Variants in GABRG3 observed in about 807,000 individuals in gnomAD.
The protein encoded by GABRG3 is gamma-aminobutyric acid type A receptor subunit gamma3.
A neutral mutation model predicts 48.8 loss-of-function variants in GABRG3; 25 were observed. The observed-to-expected ratio is 0.51, with a 90% CI of 0.37 to 0.72. The LOEUF is 0.72. Among genes scored for constraint, GABRG3 ranks in the 30% least tolerant of loss-of-function variants. GABRG3 has a pLI of 0.00. For missense variants in GABRG3, 394 were observed against 577.9 expected (o/e 0.68, Z 3.26); for synonymous variants, 227 against 217.6 (o/e 1.04, Z -0.38).
chr15:27,511,926 G>T lies in GABRG3; in HGVS notation c.713-8046G>T, dbSNP rs139114399. ...AACGCTGGAGATTTGTGGGAGGAACGTTCTAGCAACTAGAAATGCAAGAGC... is the reference window on the plus strand; with the variant it reads ...AACGCTGGAGATTTGTGGGAGGAACTTTCTAGCAACTAGAAATGCAAGAGC... On this transcript the variant is annotated intron_variant, in intron 6 of 9. Coordinates refer to ENST00000615808, the MANE Select transcript of GABRG3 (RefSeq NM_033223.5). 9.8e-5 allele frequency among the ~76,000 whole-genome samples: 15 copies of T among 152,298 alleles called. No individual in the cohort carries two copies. In the East Asian group the frequency reaches 2.9e-3, roughly 29 times the overall value.
intron 3 of GABRG3, among the ~76,000 whole-genome samples, chr15:27,110,350 T>TA (rs1491213847): frequency 6.6e-6 from 1 of 152,126 alleles, no homozygotes; most frequent in Non-Finnish European, 1.5e-5. Flanking sequence ...TTAATTTAAC[T>TA]TATATATATA....
intron 3 of GABRG3, among the ~76,000 whole-genome samples, chr15:27,122,157 G>A (rs779794572): frequency 3.3e-5 from 5 of 152,054 alleles, no homozygotes; most frequent in South Asian, 4.2e-4. Flanking sequence ...TGGATACCCC[G>A]TTCTCCATGA....
At chr15:27,075,981 G>A (rs1169375190) in intron 3 of GABRG3, among the ~76,000 whole-genome samples, 1 of 152,188 alleles carries the variant, frequency 6.6e-6, no homozygotes, top group East Asian at 1.9e-4. Context: ...TGTTTGCGCA[G>A]CATGTGAGTT....
intron 5 of GABRG3, among the ~76,000 whole-genome samples, chr15:27,409,581 A>G (rs749185980): frequency 2.6e-5 from 4 of 152,258 alleles, no homozygotes; most frequent in African/African-American, 4.8e-5. Context: ...AAATTCCTCT[A>G]CCTTTCCATA....
chr15:27,435,570 A>G (rs983125551), intron 5 of GABRG3, among the ~76,000 whole-genome samples: 9 of 152,162 alleles, frequency 5.9e-5, no homozygotes, highest in Admixed American at 2.0e-4. Context: ...CCACCAGAAT[A>G]TAGGTGCTCA....
chr15:27,017,746 G>A (rs1315518412), intron 2 of GABRG3, among the ~76,000 whole-genome samples: 2 of 152,212 alleles, frequency 1.3e-5, no homozygotes, highest in Non-Finnish European at 2.9e-5. Context: ...GGGTGCTGCA[G>A]AGACCTCTGA....
At chr15:27,087,807 A>T (rs1348701030) in intron 3 of GABRG3, among the ~76,000 whole-genome samples, 1 of 150,712 alleles carries the variant, frequency 6.6e-6, no homozygotes, top group Non-Finnish European at 1.5e-5. Context: ...TGATGTGTGT[A>T]TATGAGTGTG....
intron 3 of GABRG3, among the ~76,000 whole-genome samples, chr15:27,164,424 G>T (rs1481981043): frequency 6.6e-6 from 1 of 152,184 alleles, no homozygotes; most frequent in Non-Finnish European, 1.5e-5. Flanking sequence ...ACTGTAATTG[G>T]TATTAGCACA....
chr15:27,345,251 A>G (rs1252431887), intron 5 of GABRG3, among the ~76,000 whole-genome samples: 1 of 152,086 alleles, frequency 6.6e-6, no homozygotes, highest in Non-Finnish European at 1.5e-5. Context: ...TGTTGCTTGC[A>G]TTTGTTCTTT....
intron 3 of GABRG3, among the ~76,000 whole-genome samples, chr15:27,094,370 C>A (rs1425813994): frequency 6.6e-6 from 1 of 152,168 alleles, no homozygotes; most frequent in Admixed American, 6.5e-5. Flanking sequence ...TTTTATTGCA[C>A]CAGCTGCCTT....
At chr15:27,282,888 C>T (rs1417884389) in intron 3 of GABRG3, among the ~76,000 whole-genome samples, 7 of 152,134 alleles carry the variant, frequency 4.6e-5, no homozygotes, top group Non-Finnish European at 8.8e-5. Context: ...TGGACACCCC[C>T]CCAGCCTCAC....
intron 2 of GABRG3, among the ~76,000 whole-genome samples, chr15:27,003,494 C>G (rs1358845851): frequency 6.6e-6 from 1 of 152,028 alleles, no homozygotes; most frequent in African/African-American, 2.4e-5. Context: ...ATCCATTTAA[C>G]CCTGAGTGGA....
intron 6 of GABRG3, among the ~76,000 whole-genome samples, chr15:27,484,967 C>T (rs893025287): frequency 3.3e-5 from 5 of 152,214 alleles, no homozygotes; most frequent in African/African-American, 1.2e-4. Flanking sequence ...CAGAATTTCA[C>T]ATGATTTATG....
chr15:27,402,112 G>C (rs1887492321), intron 5 of GABRG3, among the ~76,000 whole-genome samples: 1 of 152,158 alleles, frequency 6.6e-6, no homozygotes, highest in Admixed American at 6.6e-5. Context: ...GAAATTTTAG[G>C]TGTTAATTTA....
chr15:27,145,516 A>G (rs547765629), intron 3 of GABRG3, among the ~76,000 whole-genome samples: 1 of 152,216 alleles, frequency 6.6e-6, no homozygotes, highest in East Asian at 1.9e-4. Context: ...TCTCAGCAAC[A>G]TAAATTTTAA....
Position 27,352,457 on chromosome 15 carries a change from T to C in GABRG3, c.574+23569T>C, listed in dbSNP as rs2140538268. ...GTAAATCCAGGGTGAGCCAAGCAGA[T>C]TGATAGTCTTCTAATTAGTACGAAA... On this transcript the variant is annotated intron_variant, in intron 5 of 9. Coordinates refer to ENST00000615808, the MANE Select transcript of GABRG3 (RefSeq NM_033223.5). This position sits in a 1 kb window ranked among gnomAD's most constrained non-coding sequence, Gnocchi z 4.0. Among the ~76,000 whole-genome samples, 1 of 152,100 alleles carries C rather than the reference T, an allele frequency of 6.6e-6. No homozygotes were observed. The highest frequency in any genetic ancestry group is 2.1e-4 in the South Asian group (1 of 4,822).
chr15:27,350,374 T>A, intron 5 of GABRG3: 1 of 318,816 alleles, frequency 3.1e-6, no homozygotes, highest in Non-Finnish European at 6.3e-6. Context: ...GGAGGAACCA[T>A]TGAATTAAAA....
Position 27,112,971 on chromosome 15 carries a change from A to G in GABRG3, c.270+86150A>G, listed in dbSNP as rs1203103276. Among the ~76,000 whole-genome samples the G allele has an allele frequency of 2.6e-5, 4 of 152,152 alleles. No homozygotes were observed. In the South Asian group the frequency reaches 8.3e-4, roughly 32 times the overall value. ...AATAAAGTCTAGAAATGTTTCTTTG[A>G]TAATTTTCTGTAATATATTTCTTCT... On this transcript the variant is annotated intron_variant, in intron 3 of 9. Coordinates refer to ENST00000615808, the MANE Select transcript of GABRG3 (RefSeq NM_033223.5).
chr15:27,532,039 C>A (rs1001434272), intron 9 of GABRG3, among the ~76,000 whole-genome samples: 5 of 152,088 alleles, frequency 3.3e-5, no homozygotes, highest in African/African-American at 1.2e-4. Context: ...CAAGTCATAG[C>A]TTTTACTCTT....
Sources: gnomAD v4.1 joint callset for allele counts (sites outside exome capture counted in the v4.1 genomes callset) on GRCh38, gnomAD v4.1.1 for gene constraint, Gnocchi (gnomAD v3.1) non-coding constraint, MANE v1.5 for transcripts, NCBI Gene and HGNC (gene_info 2026-07-23, HGNC 2026-07-21) for gene names.